NKAIN2: variants seen among roughly 807,000 people sequenced by gnomAD.
The protein encoded by NKAIN2 is sodium/potassium-transporting ATPase subunit beta-1-interacting protein 2.
NKAIN2 carries 14 observed loss-of-function variants against 32.6 expected under a neutral mutation model. The ratio of observed to expected loss-of-function variants is 0.43; its 90% CI spans 0.28 to 0.67. The LOEUF is 0.67. Ranked by LOEUF, NKAIN2 falls within the 30% of genes least tolerant of loss-of-function variation. The probability of loss-of-function intolerance (pLI) is 0.17; values close to 1 mark genes in which losing one functional copy is unlikely to be tolerated. For synonymous variants in NKAIN2, 80 were observed against 87.2 expected (o/e 0.92, Z 0.46); for missense variants, 198 against 258.3 (o/e 0.77, Z 1.60).
chr6:124,761,321 GCCCTC>G (rs1778254139), intron 4 of NKAIN2, among the ~76,000 whole-genome samples: 1 of 152,080 alleles, frequency 6.6e-6, no homozygotes, highest in South Asian at 2.1e-4. Flanking sequence ...AAAGTACTTG[GCCCTC>G]CCTGACCTTG....
At chr6:124,244,426 T>A (rs1275005894) in intron 1 of NKAIN2, among the ~76,000 whole-genome samples, 2 of 152,014 alleles carry the variant, frequency 1.3e-5, no homozygotes, top group Admixed American at 1.3e-4. Context: ...GAACTCATCA[T>A]TTTTTATGGC....
intron 1 of NKAIN2, among the ~76,000 whole-genome samples, chr6:123,973,608 A>G (rs528569176): frequency 3.9e-5 from 6 of 152,062 alleles, no homozygotes; most frequent in African/African-American, 1.4e-4. Context: ...GTTTCCTGCT[A>G]TTCAAAACTC....
intron 4 of NKAIN2, among the ~76,000 whole-genome samples, chr6:124,750,267 C>T (rs1053325629): frequency 2.0e-5 from 3 of 151,936 alleles, no homozygotes; most frequent in African/African-American, 7.2e-5. Flanking sequence ...CTTAAGTTCA[C>T]CACTTCTGTC....
At chr6:124,611,621 T>C (rs1177269990) in intron 3 of NKAIN2, among the ~76,000 whole-genome samples, 2 of 152,170 alleles carry the variant, frequency 1.3e-5, no homozygotes, top group Non-Finnish European at 2.9e-5. Context: ...AGTGAAAACA[T>C]GCAGTGTTTG....
At chr6:123,814,412 A>T (rs111908026) in intron 1 of NKAIN2, among the ~76,000 whole-genome samples, 400 of 152,290 alleles carry the variant, frequency 2.6e-3, no homozygotes, top group African/African-American at 9.3e-3. Context: ...ATTTATTTTT[A>T]TTCAGAAAAG....
intron 1 of NKAIN2, among the ~76,000 whole-genome samples, chr6:124,207,884 T>C (rs1269531707): frequency 6.6e-6 from 1 of 151,976 alleles, no homozygotes; most frequent in Non-Finnish European, 1.5e-5. Flanking sequence ...AATTAAATAT[T>C]AATTTTGCTA....
At chr6:124,416,564 A>C (rs1383332899) in intron 3 of NKAIN2, among the ~76,000 whole-genome samples, 3 of 152,204 alleles carry the variant, frequency 2.0e-5, no homozygotes, top group Non-Finnish European at 4.4e-5. Context: ...GCTTGAGCCC[A>C]GAAGATTGAG....
intron 3 of NKAIN2, among the ~76,000 whole-genome samples, chr6:124,600,439 C>T (rs1782262871): frequency 6.6e-6 from 1 of 151,968 alleles, no homozygotes; most frequent in Non-Finnish European, 1.5e-5. Flanking sequence ...TCGTATGAAA[C>T]ATTTTATGTG....
At chr6:123,961,592 C>G (rs1254941971) in intron 1 of NKAIN2, among the ~76,000 whole-genome samples, 1 of 152,112 alleles carries the variant, frequency 6.6e-6, no homozygotes. Context: ...TACTAGGTGC[C>G]TGTGAAAACC....
intron 1 of NKAIN2, among the ~76,000 whole-genome samples, chr6:124,032,300 G>C (rs111886137): frequency 0.11 from 16,441 of 149,638 alleles, 2,810 homozygotes; most frequent in African/African-American, 0.37. Flanking sequence ...TTAGGAGATA[G>C]ACCTAATGTA....
At chr6:124,792,275 G>A (rs923449005) in intron 5 of NKAIN2, among the ~76,000 whole-genome samples, 1 of 151,996 alleles carries the variant, frequency 6.6e-6, no homozygotes, top group African/African-American at 2.4e-5. Flanking sequence ...GGTGATTTGA[G>A]GGAAACATCC....
At chr6:124,346,093 C>T (rs1798408352) in intron 2 of NKAIN2, among the ~76,000 whole-genome samples, 2 of 151,918 alleles carry the variant, frequency 1.3e-5, no homozygotes, top group Admixed American at 1.3e-4. Flanking sequence ...CGTTATGTAC[C>T]CAGTAGTCAT....
chr6:124,481,927 A>T (rs976924201), intron 3 of NKAIN2, among the ~76,000 whole-genome samples: 1 of 152,196 alleles, frequency 6.6e-6, no homozygotes, highest in Non-Finnish European at 1.5e-5. Context: ...AAAGAGCCTT[A>T]GTGCATAAAC....
intron 2 of NKAIN2, among the ~76,000 whole-genome samples, chr6:124,334,635 T>C (rs1464669400): frequency 2.0e-5 from 3 of 152,094 alleles, no homozygotes; most frequent in Admixed American, 6.6e-5. Context: ...GTCTGAAAAA[T>C]ACTTCAAACA....
chr6:124,361,350 T>C (rs1799279649), intron 3 of NKAIN2, among the ~76,000 whole-genome samples: 1 of 152,058 alleles, frequency 6.6e-6, no homozygotes, highest in East Asian at 1.9e-4. Flanking sequence ...TATTACTATT[T>C]TCAGATATGT....
intron 4 of NKAIN2, among the ~76,000 whole-genome samples, chr6:124,722,445 G>A (rs1265159533): frequency 6.6e-6 from 1 of 152,162 alleles, no homozygotes; most frequent in African/African-American, 2.4e-5. Context: ...TTCAACAGAT[G>A]GGACAGACCT....
rs1582673299 is a variant in NKAIN2, at chr6:124,115,883, C to T, written c.55-167122C>T. On this transcript the variant is annotated intron_variant, in intron 1 of 6. Transcript: ENST00000368417. The stretch of plus-strand genomic sequence containing the variant: ...GTAGCAATTAAAAACTGTAGCTCCT[C>T]AACTTTTTGTTTTGAATAATGTTGG... 3.3e-5 allele frequency among the ~76,000 whole-genome samples: 5 copies of T among 152,118 alleles called. No individual in the cohort carries two copies. The South Asian group carries it at 1.0e-3, about 32-fold the overall frequency.
rs185462576 is a variant in NKAIN2 at position 124,586,761 on chromosome 6, T to C, written c.274-71425T>C. On this transcript the variant is annotated intron_variant, in intron 3 of 6. Transcript: ENST00000368417. ...TGTGTAAATATTTATAGCAGCTTTA[T>C]TTGTGGTCATCAAAACTGAAACTCA... Among the ~76,000 whole-genome samples, 615 of 152,358 alleles carry C rather than the reference T, an allele frequency of 4.0e-3. 3 individuals are homozygous for C. The highest frequency in any genetic ancestry group is 8.2e-3 in the Admixed American group (125 of 15,298).
intron 1 of NKAIN2, among the ~76,000 whole-genome samples, chr6:124,192,601 G>C (rs1478951906): frequency 6.6e-6 from 1 of 151,944 alleles, no homozygotes; most frequent in African/African-American, 2.4e-5. Context: ...AAGTTAATTA[G>C]GTCAAGGGAA....
Sources: allele counts gnomAD v4.1 joint callset (sites outside exome capture counted in the v4.1 genomes callset), GRCh38; gene constraint gnomAD v4.1.1; transcripts MANE v1.5; gene names NCBI Gene and HGNC (gene_info 2026-07-23, HGNC 2026-07-21).